SHISAL1: variants seen among roughly 807,000 people sequenced by gnomAD.
SHISAL1 encodes protein shisa-like-1.
Under a neutral mutation model 22.6 loss-of-function variants are expected in SHISAL1, and 9 were observed. The observed-to-expected ratio is 0.40, with a 90% confidence interval of 0.24 to 0.70. The LOEUF (loss-of-function observed/expected upper bound fraction) is 0.70, where lower values mean the gene tolerates loss of function less well. SHISAL1 is among the 30% of genes least tolerant of loss of function. The pLI is 0.39. For synonymous variants in SHISAL1, 119 were observed against 115.4 expected (o/e 1.03, Z -0.20); for missense variants, 246 against 270.6 (o/e 0.91, Z 0.64).
At chr22:44,271,018 AG>A in intron 4 of SHISAL1, among the ~76,000 whole-genome samples, 1 of 152,286 alleles carries the variant, frequency 6.6e-6, no homozygotes, top group South Asian at 2.1e-4. Context: ...CCCCACTCAG[AG>A]TGGATAGAGA....
intron 1 of SHISAL1, among the ~76,000 whole-genome samples, chr22:44,312,307 G>A (rs961630102): frequency 1.3e-5 from 2 of 152,082 alleles, no homozygotes; most frequent in African/African-American, 2.4e-5. Flanking sequence ...CCTCACCCCC[G>A]TGAAGCCAAC....
In SHISAL1 at chr22:44,299,981, C is replaced by G. The variant is rs368745130; in HGVS notation, c.67+898G>C. ...ACAGACACAGAGACATAGACAGAGA[C>G]AAAGACAAAGAGGCAGAGGACAGAA... On this transcript the variant is annotated intron_variant, in intron 2 of 4. Transcript: ENST00000381176. Among the ~76,000 whole-genome samples the G allele has an allele frequency of 6.5e-5, 9 of 137,770 alleles. No individual in the cohort carries two copies. In the East Asian group the frequency reaches 1.1e-3, roughly 16 times the overall value. The allele number at this position is 137,770 out of a possible 152,430, so 90.4% of individuals were successfully genotyped here.
At chr22:44,302,276 G>C (rs957991943) in intron 1 of SHISAL1, among the ~76,000 whole-genome samples, 4 of 150,826 alleles carry the variant, frequency 2.7e-5, no homozygotes, top group Admixed American at 1.3e-4. Context: ...GGAGGTGGAG[G>C]CTGCAGTGAG....
intron 4 of SHISAL1, among the ~76,000 whole-genome samples, chr22:44,261,210 G>A (rs537383060): frequency 9.9e-6 from 1 of 100,606 alleles, no homozygotes; most frequent in East Asian, 2.9e-4. Flanking sequence ...CGCCTTAGCT[G>A]GGCCTCAGGG....
rs559319504 is a variant in SHISAL1, at chr22:44,262,103, G to A, written c.*-12418C>T. On this transcript the variant is annotated intron_variant, in intron 4 of 4. Coordinates refer to ENST00000381176, the MANE Select transcript of SHISAL1 (RefSeq NM_001099294.2). Reference sequence around the variant, plus strand: ...AGCAGCAGACCCACACTGTGTCAGCGGCGAGTGTCTGGCAGTCTTGGGGTC... The same window carrying A: ...AGCAGCAGACCCACACTGTGTCAGCAGCGAGTGTCTGGCAGTCTTGGGGTC... Among the ~76,000 whole-genome samples, 27 of 152,366 alleles carry A rather than the reference G, an allele frequency of 1.8e-4. 1 individual carries two copies. Among genetic ancestry groups the A allele is most frequent in the Admixed American group, 3.3e-4 (5 of 15,310 alleles).
intron 4 of SHISAL1, among the ~76,000 whole-genome samples, chr22:44,283,548 A>C (rs1204853586): frequency 6.6e-6 from 1 of 152,228 alleles, no homozygotes; most frequent in East Asian, 1.9e-4. Context: ...CAGCAAGCAC[A>C]GTGACGTAGG....
chr22:44,269,267 C>T (rs898132926), intron 4 of SHISAL1, among the ~76,000 whole-genome samples: 4 of 150,002 alleles, frequency 2.7e-5, no homozygotes, highest in African/African-American at 4.9e-5. Context: ...GCCACACAGA[C>T]ACCCACAACA....
chr22:44,264,507 T>G lies in SHISAL1; in HGVS notation c.*-14822A>C, dbSNP rs1422838449. Among the ~76,000 whole-genome samples, 6 of 150,564 alleles carry G rather than the reference T, an allele frequency of 4.0e-5. No individual in the cohort carries two copies. In the Admixed American group the frequency reaches 4.2e-4, roughly 10 times the overall value. The stretch of plus-strand genomic sequence containing the variant: ...CCATCCCCTGCAAACCTGTCCTCCT[T>G]GCAGGGTCCAATGTGCAGGGGTTTG... On this transcript the variant is annotated intron_variant, in intron 4 of 4. Coordinates refer to ENST00000381176, the MANE Select transcript of SHISAL1 (RefSeq NM_001099294.2).
chr22:44,249,309 A>G lies in SHISAL1; in HGVS notation c.*376T>C, dbSNP rs975956845. The G allele has an allele frequency of 1.4e-5, 3 of 215,362 alleles. No homozygotes were observed. The highest frequency in any genetic ancestry group is 1.1e-4 in the East Asian group (1 of 8,720). The allele number at this position is 215,362 out of a possible 1,614,324, so 13.3% of individuals were successfully genotyped here. On this transcript the variant is annotated 3_prime_UTR_variant, in exon 5 of 5. Coordinates refer to ENST00000381176, the MANE Select transcript of SHISAL1 (RefSeq NM_001099294.2). ...TACTGGAGGGAGCAGGGGCAAGGGA[A>G]GCTTCGGTTTTCAACCACAGGTATA...
chr22:44,324,303 C>G, the SHISAL1 span, among the ~76,000 whole-genome samples: 2 of 152,180 alleles, frequency 1.3e-5, no homozygotes, highest in African/African-American at 4.8e-5. Context: ...TGGCTCCCCC[C>G]TGCCTGGTCT....
intron 4 of SHISAL1, among the ~76,000 whole-genome samples, chr22:44,261,142 C>T (rs1190396089): frequency 2.3e-5 from 3 of 130,236 alleles, no homozygotes; most frequent in South Asian, 5.3e-4. Context: ...ATTTCAAAAT[C>T]AATGACTTTT....
chr22:44,290,041 G>A (rs763214971), intron 3 of SHISAL1, among the ~76,000 whole-genome samples: 6 of 152,178 alleles, frequency 3.9e-5, no homozygotes, highest in Admixed American at 6.5e-5. Context: ...ACGTCTTCCC[G>A]GGGCACAGGA....
intron 3 of SHISAL1, 21 bp from the exon 4 acceptor site, chr22:44,285,766 A>C (rs1476688860): frequency 1.3e-6 from 2 of 1,592,442 alleles, no homozygotes; most frequent in Non-Finnish European, 1.7e-6. Context: ...ACAGAGAGGG[A>C]GTGAGCAAGC....
intron 4 of SHISAL1, among the ~76,000 whole-genome samples, chr22:44,275,403 C>T (rs931518765): frequency 3.3e-5 from 5 of 152,214 alleles, no homozygotes; most frequent in African/African-American, 7.2e-5. Flanking sequence ...GGATCAGAAG[C>T]GAGGCTGAGT....
intron 1 of SHISAL1, among the ~76,000 whole-genome samples, chr22:44,308,347 C>A (rs111656755): frequency 3.9e-5 from 6 of 152,242 alleles, no homozygotes; most frequent in African/African-American, 1.4e-4. Context: ...CACCTACCTG[C>A]CCCCTTGGGT....
At chr22:44,252,440 G>T (rs6006502) in intron 4 of SHISAL1, among the ~76,000 whole-genome samples, 24,754 of 151,830 alleles carry the variant, frequency 0.16, 2,502 homozygotes, top group East Asian at 0.3. Flanking sequence ...GATCAAAAAC[G>T]CAGCTTTCCA....
intron 4 of SHISAL1, among the ~76,000 whole-genome samples, chr22:44,257,149 A>G (rs1218904223): frequency 6.6e-6 from 1 of 152,300 alleles, no homozygotes; most frequent in African/African-American, 2.4e-5. Flanking sequence ...GTGGAAGGCA[A>G]TTTGACACAT....
At chr22:44,299,289 A>G (rs2055409438) in intron 2 of SHISAL1, among the ~76,000 whole-genome samples, 1 of 152,188 alleles carries the variant, frequency 6.6e-6, no homozygotes, top group Admixed American at 6.5e-5. Flanking sequence ...AGCCTCAACC[A>G]TGAACGCACC....
rs1042110498 is a variant in SHISAL1 at position 44,245,671 on chromosome 22, G to C, written c.*4014C>G. 2.0e-5 allele frequency: 3 copies of C among 152,264 alleles called. No individual in the cohort carries two copies. Among genetic ancestry groups the C allele is most frequent in the Non-Finnish European group, 4.4e-5 (3 of 68,118 alleles). The allele number at this position is 152,264 out of a possible 1,614,324, so 9.4% of individuals were successfully genotyped here. A position where few individuals can be genotyped will look rare whatever the true frequency, so the allele number is the denominator to read the frequency against. On this transcript the variant is annotated 3_prime_UTR_variant, in exon 5 of 5. Coordinates refer to ENST00000381176, the MANE Select transcript of SHISAL1 (RefSeq NM_001099294.2). ...CCAACCTGGACAGCGGCCTGTGGGG[G>C]AGTCAGTGCCAAGCACAGCCACACC...
Sources: allele counts gnomAD v4.1 joint callset (sites outside exome capture counted in the v4.1 genomes callset), GRCh38; gene constraint gnomAD v4.1.1; transcripts MANE v1.5; gene names NCBI Gene and HGNC (gene_info 2026-07-23, HGNC 2026-07-21).